DDX60L: variants seen among roughly 807,000 people sequenced by gnomAD.
DDX60L encodes DExD/H-box 60 like, also known as probable ATP-dependent RNA helicase DDX60-like.
In DDX60L, 191 loss-of-function variants were observed where a neutral mutation model predicts 211.6. The ratio of observed to expected loss-of-function variants is 0.90; its 90% CI spans 0.80 to 1.02. The LOEUF is 1.02. Ranked by LOEUF, DDX60L falls within the 50% of genes least tolerant of loss-of-function variation. The pLI is 0.00. For missense variants in DDX60L, 2,007 were observed against 1,984.1 expected (o/e 1.01, Z -0.22); for synonymous variants, 706 against 694.1 (o/e 1.02, Z -0.27).
In DDX60L at chr4:168,358,179, G is replaced by T. The variant is rs1340386625; in HGVS notation, c.5089C>A (p.Gln1697Lys). ...QTFYEKLQEMQIQMSQNHLE is the reference protein window; with the variant it reads ...QTFYEKLQEMKIQMSQNHLE ...AAATGATTTTGACTCATTTGAATTT[G>T]CATTTCTTGAAGTTTCTCATAAAAG... The change falls in exon 38 of 38, where the codon CAA becomes AAA. Residue 1697 changes from glutamine (Q) to lysine (K), a missense_variant. By Grantham distance (53) the Gln-to-Lys change is moderately conservative. Coordinates refer to ENST00000682922, the MANE Select transcript of DDX60L (RefSeq NM_001012967.3). 2 of 1,607,588 alleles carry T rather than the reference G, an allele frequency of 1.2e-6. No homozygotes were observed. The highest frequency in any genetic ancestry group is 1.3e-5 in the African/African-American group (1 of 74,624).
At chr4:168,426,874 A>G (rs1334113805) in intron 14 of DDX60L, among the ~76,000 whole-genome samples, 196 bp downstream of exon 14, 1 of 152,070 alleles carries the variant, frequency 6.6e-6, no homozygotes, top group Non-Finnish European at 1.5e-5. Context: ...CCCTGTTGGG[A>G]CCCTCTGTCT....
intron 1 of DDX60L, among the ~76,000 whole-genome samples, chr4:168,477,220 C>G (rs929119027): frequency 3.3e-5 from 5 of 152,072 alleles, no homozygotes; most frequent in Admixed American, 2.0e-4. Context: ...TCGAGACCAT[C>G]CTGGCTAACA....
intron 37 of DDX60L, among the ~76,000 whole-genome samples, 156 bp downstream of exon 37, chr4:168,360,993 G>A (rs991562684): frequency 6.6e-6 from 1 of 152,196 alleles, no homozygotes; most frequent in Non-Finnish European, 1.5e-5. Context: ...GGTCTACAGA[G>A]CCTTTGGATA....
At chr4:168,401,081 A>C (rs565317274) in intron 25 of DDX60L, 103 bp from the exon 26 acceptor site, 2 of 1,063,746 alleles carry the variant, frequency 1.9e-6, no homozygotes, top group African/African-American at 3.2e-5. Flanking sequence ...AATAGACTTC[A>C]TCCTAGGCCA....
intron 1 of DDX60L, among the ~76,000 whole-genome samples, chr4:168,475,340 T>A (rs928520261): frequency 1.3e-5 from 2 of 152,228 alleles, no homozygotes; most frequent in African/African-American, 4.8e-5. Context: ...ATGACCAATG[T>A]CTTTCATCTT....
In DDX60L at chr4:168,456,094, C is replaced by G; in HGVS notation, c.782G>C (p.Arg261Pro). ...HLWSEGSDIQ[R>P]VLCVTSCSLS... ...TGAACATGAAGTGACACAGAGAACA[C>G]GCTGGATGTCCGATCCTTCTGACCA... The change falls in exon 7 of 38, where the codon CGT becomes CCT. Residue 261 changes from arginine (R) to proline (P), a missense_variant. Coordinates refer to ENST00000682922, the MANE Select transcript of DDX60L (RefSeq NM_001012967.3). 6.3e-7 allele frequency: 1 copy of G among 1,595,810 alleles called. No individual in the cohort carries two copies. Among genetic ancestry groups the G allele is most frequent in the Non-Finnish European group, 8.5e-7 (1 of 1,172,962 alleles).
Position 168,358,292 on chromosome 4 carries a change from T to A in DDX60L, c.4992-16A>T, listed in dbSNP as rs755043596. On this transcript the variant is annotated splice_polypyrimidine_tract_variant and intron_variant, in intron 37 of 37. Transcript: ENST00000682922. The stretch of plus-strand genomic sequence containing the variant: ...CAAGGAGTCACTGTATAAATGATAA[T>A]AATAATAAAAAAATAATGAGCCCAC... The A allele has an allele frequency of 6.9e-6, 10 of 1,459,086 alleles. No individual in the cohort carries two copies. The Admixed American group carries it at 9.1e-5, about 13-fold the overall frequency. The allele number at this position is 1,459,086 out of a possible 1,614,324, so 90.4% of individuals were successfully genotyped here. A position where few individuals can be genotyped will look rare whatever the true frequency, so the allele number is the denominator to read the frequency against.
Position 168,464,331 on chromosome 4 carries a change from AC to A in DDX60L, c.265-2292del, listed in dbSNP as rs1472640535. The stretch of plus-strand genomic sequence containing the variant: ...TTATACAGAAATATTTTCTTCAACC[AC>A]AATGGAATTAAATTAGAAATCAATA... On this transcript the variant is annotated intron_variant, in intron 4 of 37. Transcript: ENST00000682922. Among the ~76,000 whole-genome samples the A allele has an allele frequency of 3.9e-5, 6 of 152,310 alleles. No individual in the cohort carries two copies. The East Asian group carries it at 9.6e-4, about 24-fold the overall frequency.
At chr4:168,426,326 T>C (rs917506230) in intron 14 of DDX60L, among the ~76,000 whole-genome samples, 1 of 152,114 alleles carries the variant, frequency 6.6e-6, no homozygotes, top group African/African-American at 2.4e-5. Context: ...CATGGCCCAG[T>C]TAACAATATA....
At chr4:168,378,602 A>T (rs1742374959) in intron 32 of DDX60L, 127 bp from the exon 33 acceptor site, 2 of 630,896 alleles carry the variant, frequency 3.2e-6, no homozygotes, top group Admixed American at 3.5e-5. Flanking sequence ...TATATACCTC[A>T]GAAATTGACC....
At chr4:168,372,365 T>G (rs1272456053) in intron 35 of DDX60L, among the ~76,000 whole-genome samples, 1 of 152,048 alleles carries the variant, frequency 6.6e-6, no homozygotes, top group Non-Finnish European at 1.5e-5. Flanking sequence ...CTGTACAGAA[T>G]CAGAAGGAAT....
chr4:168,364,134 T>C (rs548964118), intron 36 of DDX60L, among the ~76,000 whole-genome samples: 1 of 151,948 alleles, frequency 6.6e-6, no homozygotes, highest in South Asian at 2.1e-4. Context: ...AAAAATTAAC[T>C]CAATGTACAA....
intron 27 of DDX60L, 123 bp from the exon 28 acceptor site, chr4:168,394,740 T>A: frequency 1.2e-6 from 1 of 830,014 alleles, no homozygotes; most frequent in Non-Finnish European, 1.8e-6. Flanking sequence ...GAGGCTGCCC[T>A]TTGACCCTGA....
At chr4:168,434,172 G>A (rs560987026) in intron 10 of DDX60L, among the ~76,000 whole-genome samples, 3 of 151,992 alleles carry the variant, frequency 2.0e-5, no homozygotes, top group South Asian at 2.1e-4. Context: ...TGTGTATATC[G>A]TATATGAGAC....
chr4:168,443,401 T>C (rs1682674204), intron 9 of DDX60L, among the ~76,000 whole-genome samples: 1 of 151,904 alleles, frequency 6.6e-6, no homozygotes, highest in African/African-American at 2.4e-5. Flanking sequence ...CTACGTCTGA[T>C]TGGTGTACCT....
chr4:168,387,617 C>A (rs1438306479), intron 29 of DDX60L, among the ~76,000 whole-genome samples: 1 of 152,076 alleles, frequency 6.6e-6, no homozygotes, highest in Admixed American at 6.6e-5. Flanking sequence ...CTTATAATAG[C>A]CCTGGGTAAA....
intron 22 of DDX60L, among the ~76,000 whole-genome samples, chr4:168,414,682 A>G (rs926330936): frequency 1.3e-5 from 2 of 152,160 alleles, no homozygotes; most frequent in African/African-American, 4.8e-5. Flanking sequence ...AGCCATAAAA[A>G]AAAATAAGAT....
intron 29 of DDX60L, among the ~76,000 whole-genome samples, chr4:168,391,131 A>G (rs1744737059): frequency 6.6e-6 from 1 of 152,194 alleles, no homozygotes; most frequent in South Asian, 2.1e-4. Context: ...CCAGGAATTG[A>G]TAATACCAAG....
intron 4 of DDX60L, among the ~76,000 whole-genome samples, chr4:168,464,443 A>ATTTT (rs34052527): frequency 0.017 from 2,396 of 138,894 alleles, 97 homozygotes; most frequent in African/African-American, 0.054. Context: ...TTATAATTGT[A>ATTTT]TTTTTTTTTT....
Sources: gnomAD v4.1 joint callset for allele counts (sites outside exome capture counted in the v4.1 genomes callset) on GRCh38, gnomAD v4.1.1 for gene constraint, MANE v1.5 for transcripts, NCBI Gene and HGNC (gene_info 2026-07-23, HGNC 2026-07-21) for gene names.